The following HELZ variants were observed in gnomAD, a reference collection of about 807,000 sequenced individuals.
HELZ encodes helicase with zinc finger, also known as ATP-dependent RNA helicase with zinc finger domain.
HELZ carries 23 observed loss-of-function variants against 218.2 expected under a neutral mutation model. The observed-to-expected ratio is 0.11, with a 90% CI of 0.08 to 0.15. The LOEUF is 0.15. Ranked by LOEUF, HELZ falls within the 10% of genes least tolerant of loss-of-function variation. The pLI, the probability that HELZ is intolerant of heterozygous loss-of-function variation, is 1.00. For missense variants in HELZ, 1,813 were observed against 2,353.7 expected (o/e 0.77, Z 4.75); for synonymous variants, 814 against 829.4 (o/e 0.98, Z 0.32).
chr17:67,225,786 C>G (rs141349673), intron 3 of HELZ, among the ~76,000 whole-genome samples: 1 of 152,128 alleles, frequency 6.6e-6, no homozygotes, highest in Non-Finnish European at 1.5e-5. Flanking sequence ...AAAACAGAAA[C>G]TTGTTCTAAA....
At chr17:67,203,630 T>A (rs865959858) in intron 5 of HELZ, among the ~76,000 whole-genome samples, 187 bp from the exon 6 acceptor site, 2 of 152,124 alleles carry the variant, frequency 1.3e-5, no homozygotes, top group African/African-American at 4.8e-5. Flanking sequence ...AGAAAAAACA[T>A]GCGGCAATAA....
rs2037130064 is a variant in HELZ at position 67,107,164 on chromosome 17, T to C, written c.5241+5A>G. 6.3e-7 allele frequency: 1 copy of C among 1,597,580 alleles called. No individual in the cohort carries two copies. Among genetic ancestry groups the C allele is most frequent in the Non-Finnish European group, 8.5e-7 (1 of 1,172,782 alleles). On this transcript the variant is annotated splice_donor_5th_base_variant and intron_variant, in intron 31 of 32. Coordinates refer to ENST00000358691, the MANE Select transcript of HELZ (RefSeq NM_014877.4). Reference sequence around the variant, plus strand: ...ATAACAAAAGGAAAATAAGAAGACATTTACCTCTTCTAAGCTAGGGAGCGA... The same window carrying C: ...ATAACAAAAGGAAAATAAGAAGACACTTACCTCTTCTAAGCTAGGGAGCGA...
At chr17:67,137,109 A>G (rs756957068) in intron 22 of HELZ, among the ~76,000 whole-genome samples, 4 of 152,204 alleles carry the variant, frequency 2.6e-5, no homozygotes, top group Non-Finnish European at 4.4e-5. Flanking sequence ...TTCATAAAGA[A>G]GTCTACAGAA....
intron 24 of HELZ, among the ~76,000 whole-genome samples, chr17:67,125,448 A>G (rs2037764273): frequency 6.6e-6 from 1 of 150,928 alleles, no homozygotes. Flanking sequence ...AGGAGCAATT[A>G]GAAGAGACAA....
chr17:67,078,162 C>T lies in HELZ; in HGVS notation c.*90G>A. ...ATATTTAATATTAAAACAAAGGGAA[C>T]TGTGCATCTATAGATGAAGTCCAAC... On this transcript the variant is annotated 3_prime_UTR_variant, in exon 33 of 33. Coordinates refer to ENST00000358691, the MANE Select transcript of HELZ (RefSeq NM_014877.4). The T allele has an allele frequency of 1.2e-6, 1 of 813,966 alleles. No homozygotes were observed. The highest frequency in any genetic ancestry group is 2.6e-5 in the Admixed American group (1 of 38,576). 50.4% of individuals were successfully genotyped at this position (813,966 alleles called of 1,614,324 possible).
Position 67,107,692 on chromosome 17 carries a change from GA to G in HELZ, c.4725-8del. On this transcript the variant is annotated splice_polypyrimidine_tract_variant and splice_region_variant and intron_variant, in intron 30 of 32. Coordinates refer to ENST00000358691, the MANE Select transcript of HELZ (RefSeq NM_014877.4). Reference sequence around the variant, plus strand: ...TCTGATTAAGTCTTGAAACCTACATGAAAACAATAAAATATGAGGAGAAAAC... The same window carrying G: ...TCTGATTAAGTCTTGAAACCTACATGAAACAATAAAATATGAGGAGAAAAC... 6.2e-7 allele frequency: 1 copy of G among 1,602,012 alleles called. No individual in the cohort carries two copies. The highest frequency in any genetic ancestry group is 8.5e-7 in the Non-Finnish European group (1 of 1,174,890).
chr17:67,199,385 G>A (rs2040112766), intron 7 of HELZ, among the ~76,000 whole-genome samples: 1 of 152,038 alleles, frequency 6.6e-6, no homozygotes, highest in South Asian at 2.1e-4. Flanking sequence ...ACTAATTTTT[G>A]TATTTTTAGT....
intron 14 of HELZ, among the ~76,000 whole-genome samples, chr17:67,167,066 G>T (rs940128998): frequency 6.6e-6 from 1 of 152,098 alleles, no homozygotes; most frequent in Admixed American, 6.6e-5. Context: ...TTTAAAAAGA[G>T]AAAAGATTAG....
At chr17:67,100,088 AAAGTGAGAATAGGCAAT>A (rs2036877518) in intron 31 of HELZ, among the ~76,000 whole-genome samples, 2 of 152,218 alleles carry the variant, frequency 1.3e-5, no homozygotes, top group South Asian at 4.1e-4. Context: ...ATCTATTCCT[AAAGTGAGAATAGGCAAT>A]AATCAACCAA....
intron 5 of HELZ, among the ~76,000 whole-genome samples, chr17:67,214,633 T>A (rs532825996): frequency 1.3e-5 from 2 of 151,924 alleles, no homozygotes; most frequent in African/African-American, 4.8e-5. Flanking sequence ...TCATGTTAAA[T>A]ACCTCAGCAC....
Position 67,123,092 on chromosome 17 carries a change from G to A in HELZ, c.3508C>T (p.Pro1170Ser). 1 of 1,613,340 alleles carries A rather than the reference G, an allele frequency of 6.2e-7. No homozygotes were observed. Among genetic ancestry groups the A allele is most frequent in the Middle Eastern group, 1.7e-4 (1 of 6,060 alleles). ...RAYTPPPPLG[P>S]HPNLGKSPSP... ...GGAGATTTTCCCAAATTTGGGTGAG[G>A]TCCAAGAGGGGGTGGAGGAGTATAT... The change falls in exon 26 of 33, where the codon CCT becomes TCT. Residue 1170 changes from proline to serine, a missense_variant. Physicochemically the swap from Pro to Ser is moderately conservative, Grantham distance 74. This residue lies in a region of HELZ where 938 missense variants were observed against 1,027.5 expected (regional missense o/e 0.91). Coordinates refer to ENST00000358691, the MANE Select transcript of HELZ (RefSeq NM_014877.4).
chr17:67,114,353 G>A lies in HELZ; in HGVS notation c.3889C>T (p.Pro1297Ser). ...SGPEINKIRT[P>S]EKKPTEPKQV... ...TTTGGTTCTGTTGGCTTTTTCTCTG[G>A]TGTTCGAATCTTATTAATTTCAGGT... The change falls in exon 28 of 33, where the codon CCA becomes TCA. Residue 1297 changes from proline (P) to serine (S), a missense_variant. Pro to Ser is a moderately conservative substitution (Grantham distance 74). This residue lies in a region of HELZ where 938 missense variants were observed against 1,027.5 expected (regional missense o/e 0.91). Transcript: ENST00000358691. 1 of 1,611,370 alleles carries A rather than the reference G, an allele frequency of 6.2e-7. No individual in the cohort carries two copies. Among genetic ancestry groups the A allele is most frequent in the Middle Eastern group, 1.7e-4 (1 of 6,052 alleles).
chr17:67,237,684 T>C (rs1052983025), intron 3 of HELZ, among the ~76,000 whole-genome samples: 1 of 152,108 alleles, frequency 6.6e-6, no homozygotes. Flanking sequence ...GGATGGAAAG[T>C]CATTTTATTA....
intron 7 of HELZ, among the ~76,000 whole-genome samples, chr17:67,197,727 G>C (rs1435462558): frequency 6.6e-6 from 1 of 152,128 alleles, no homozygotes; most frequent in Non-Finnish European, 1.5e-5. Flanking sequence ...GGTCATAACT[G>C]AAACAATACT....
Position 67,201,317 on chromosome 17 carries a change from C to T in HELZ, c.373-132G>A, listed in dbSNP as rs2040162964. Reference sequence around the variant, plus strand: ...ATGTTATCCTCATCCCTCATCACTACTACCATTAACGATGACAATAAAGCA... The same window carrying T: ...ATGTTATCCTCATCCCTCATCACTATTACCATTAACGATGACAATAAAGCA... On this transcript the variant is annotated intron_variant, in intron 6 of 32. Coordinates refer to ENST00000358691, the MANE Select transcript of HELZ (RefSeq NM_014877.4). 5.1e-6 allele frequency: 3 copies of T among 584,314 alleles called. No individual in the cohort carries two copies. The Admixed American group carries it at 8.8e-5, about 17-fold the overall frequency. The allele number at this position is 584,314 out of a possible 1,614,324, so 36.2% of individuals were successfully genotyped here. A position where few individuals can be genotyped will look rare whatever the true frequency, so the allele number is the denominator to read the frequency against.
chr17:67,224,985 TG>T, intron 3 of HELZ: 1 of 697,990 alleles, frequency 1.4e-6, no homozygotes, highest in Non-Finnish European at 2.7e-6. Context: ...ATTAAAAAGA[TG>T]CAAGCATTTT....
At chr17:67,233,152 TA>T (rs1402263198) in intron 3 of HELZ, among the ~76,000 whole-genome samples, 2 of 151,832 alleles carry the variant, frequency 1.3e-5, no homozygotes, top group African/African-American at 4.8e-5. Flanking sequence ...AAAATAAACA[TA>T]ACCAGCCTGG....
intron 32 of HELZ, among the ~76,000 whole-genome samples, chr17:67,082,565 T>A (rs1050834118): frequency 3.9e-5 from 6 of 152,334 alleles, no homozygotes; most frequent in East Asian, 3.9e-4. Flanking sequence ...TTAAAAATTT[T>A]AAAAATTCAT....
chr17:67,197,137 A>T (rs977166804), intron 7 of HELZ, among the ~76,000 whole-genome samples: 1 of 152,140 alleles, frequency 6.6e-6, no homozygotes, highest in Non-Finnish European at 1.5e-5. Context: ...ACCCAGTGGG[A>T]GATAACTGAA....
Sources: gnomAD v4.1 joint callset for allele counts (sites outside exome capture counted in the v4.1 genomes callset) on GRCh38, gnomAD v4.1.1 for gene constraint, gnomAD v4.1.1 regional missense constraint, MANE v1.5 for transcripts, NCBI Gene and HGNC (gene_info 2026-07-23, HGNC 2026-07-21) for gene names.